Variants in KIF7 observed in about 807,000 individuals in gnomAD.
The protein encoded by KIF7 is kinesin family member 7.
KIF7 carries 104 observed loss-of-function variants against 135.7 expected under a neutral mutation model. The observed-to-expected ratio is 0.77, with a 90% CI of 0.65 to 0.90. The LOEUF (loss-of-function observed/expected upper bound fraction) is 0.90. Among genes scored for constraint, KIF7 ranks in the 40% least tolerant of loss-of-function variants. The pLI, the probability that KIF7 is intolerant of heterozygous loss-of-function variation, is 0.00. For synonymous variants in KIF7, 883 were observed against 809.4 expected (o/e 1.09, Z -1.54); for missense variants, 2,005 against 1,839.1 (o/e 1.09, Z -1.65).
chr15:89,625,413 G>A, downstream of KIF7: 1 of 1,614,020 alleles, frequency 6.2e-7, no homozygotes, highest in Non-Finnish European at 8.5e-7. Context: ...CCTCTTCCGG[G>A]AGGGGCGAGG....
At chr15:89,636,876 AT>A (rs1210460724) in intron 11 of KIF7, among the ~76,000 whole-genome samples, 3 of 149,876 alleles carry the variant, frequency 2.0e-5, no homozygotes, top group Non-Finnish European at 4.4e-5. Flanking sequence ...CAGAATATAT[AT>A]TTTTTTCAGC....
chr15:89,630,957 CTG>C, intron 15 of KIF7: 1 of 287,192 alleles, frequency 3.5e-6, no homozygotes, highest in Non-Finnish European at 6.8e-6. Flanking sequence ...CAGCATGTGA[CTG>C]TACTGAATAC....
At position 89,633,838 on chromosome 15, in the gene KIF7, A is replaced by C. The variant is rs1421629514; in HGVS notation, c.2440T>G (p.Ser814Ala). The C allele has an allele frequency of 1.2e-6, 2 of 1,613,600 alleles. No homozygotes were observed. The highest frequency in any genetic ancestry group is 1.1e-5 in the South Asian group (1 of 91,086). The change falls in exon 12 of 19, where the codon TCG becomes GCG. Residue 814 changes from serine to alanine, a missense_variant. Coordinates refer to ENST00000394412, the MANE Select transcript of KIF7 (RefSeq NM_198525.3). ...KQATERLVSL[S>A]AQSEKRLQEL... ...TGCAGTCGCTTCTCACTCTGGGCCG[A>C]CAGTGACACCAGCCGCTCCGTAGCC... is the stretch of plus-strand genomic sequence containing the variant.
rs776343307 is a variant in KIF7 at position 89,645,416 on chromosome 15, G to A, written c.1958C>T (p.Ala653Val). 9.3e-6 allele frequency: 15 copies of A among 1,613,956 alleles called. No homozygotes were observed. In the Admixed American group the frequency reaches 2.3e-4, roughly 25 times the overall value. The change falls in exon 9 of 19, where the codon GCA (alanine) becomes GTA (valine). Residue 653 changes from alanine to valine, a missense_variant. Ala to Val is a moderately conservative substitution (Grantham distance 64, BLOSUM62 0). Coordinates refer to ENST00000394412, the MANE Select transcript of KIF7 (RefSeq NM_198525.3). ...CCTCTCTGGCAGACTCCCTGGGCGTGCCCCCGCCCTCTGACTGCAGTTGCT... is the reference window on the plus strand; with the variant it reads ...CCTCTCTGGCAGACTCCCTGGGCGTACCCCCGCCCTCTGACTGCAGTTGCT... ...RISNCSQRAGARPGSLPERKG... is the reference protein window; with the variant it reads ...RISNCSQRAGVRPGSLPERKG...
upstream of KIF7, among the ~76,000 whole-genome samples, chr15:89,658,279 C>T (rs1596034659): frequency 6.6e-6 from 1 of 151,808 alleles, no homozygotes; most frequent in African/African-American, 2.4e-5. Flanking sequence ...AGCGAGACCT[C>T]ATCTCTACAA....
intron 1 of KIF7, among the ~76,000 whole-genome samples, chr15:89,620,573 T>A (rs1244795051): frequency 6.6e-6 from 1 of 152,180 alleles, no homozygotes; most frequent in Non-Finnish European, 1.5e-5. Context: ...ACATAGGAGC[T>A]GGGGTTAATA....
chr15:89,633,083 G>A (rs1224949649), intron 13 of KIF7, 58 bp downstream of exon 13: 5 of 1,600,264 alleles, frequency 3.1e-6, no homozygotes, highest in Admixed American at 1.7e-5. Context: ...GGGGAGAAAG[G>A]TGCACCCACC....
At chr15:89,633,959 G>C (rs1448668585) in intron 11 of KIF7, 76 bp from the exon 12 acceptor site, 6 of 1,539,156 alleles carry the variant, frequency 3.9e-6, no homozygotes, top group Admixed American at 3.3e-5. Flanking sequence ...CACTCAACAA[G>C]GGCAGGCAGA....
chr15:89,629,456 G>T lies in KIF7; in HGVS notation c.3436C>A (p.Arg1146Ser), dbSNP rs766975299. The T allele has an allele frequency of 2.5e-6, 4 of 1,609,562 alleles. No homozygotes were observed. The highest frequency in any genetic ancestry group is 2.2e-5 in the East Asian group (1 of 44,864). ...GTCAGCTGGCGGTCCATCTCCAGGC[G>T]CTGCCGCTCCAGGGCCACCTCCAGC... ...YWLEVALERQ[R>S]LEMDRQLTLQ... The change falls in exon 17 of 19, where the codon CGC becomes AGC. Residue 1146 changes from arginine (R) to serine (S), a missense_variant. Physicochemically the swap from Arg to Ser is moderately radical, Grantham distance 110. Coordinates refer to ENST00000394412, the MANE Select transcript of KIF7 (RefSeq NM_198525.3).
chr15:89,631,685 A>G lies in KIF7; in HGVS notation c.2921T>C (p.Val974Ala), dbSNP rs775179475. The change falls in exon 15 of 19, where the codon GTG (valine) becomes GCG (alanine). Residue 974 changes from valine to alanine, a missense_variant. By Grantham distance (64) the Val-to-Ala change is moderately conservative. Coordinates refer to ENST00000394412, the MANE Select transcript of KIF7 (RefSeq NM_198525.3). ...CTCCAGGTGCTCCAGCCGGCTGGACACTCGCACGATGTCCTCGTTGAGGGC... is the reference window on the plus strand; with the variant it reads ...CTCCAGGTGCTCCAGCCGGCTGGACGCTCGCACGATGTCCTCGTTGAGGGC... ...SQALNEDIVR[V>A]SSRLEHLEKE... 1.9e-6 allele frequency: 3 copies of G among 1,556,148 alleles called. No individual in the cohort carries two copies. Among genetic ancestry groups the G allele is most frequent in the East Asian group, 2.4e-5 (1 of 41,274 alleles).
At chr15:89,660,797 G>A in the KIF7 span, among the ~76,000 whole-genome samples, 5 of 152,210 alleles carry the variant, frequency 3.3e-5, no homozygotes, top group South Asian at 2.1e-4. Flanking sequence ...TTGGCCAATG[G>A]AATGTAAGTA....
At chr15:89,652,466 C>A in intron 2 of KIF7, 137 bp downstream of exon 2, 1 of 723,666 alleles carries the variant, frequency 1.4e-6, no homozygotes, top group Admixed American at 2.9e-5. Flanking sequence ...GCCACAGATC[C>A]CTGTCTAGGA....
At chr15:89,643,687 C>A (rs1033180798) in intron 10 of KIF7, among the ~76,000 whole-genome samples, 1 of 152,158 alleles carries the variant, frequency 6.6e-6, no homozygotes, top group Admixed American at 6.5e-5. Context: ...GAGATCGAGA[C>A]CATCCTGGCC....
chr15:89,623,565 A>G, downstream of KIF7: 6 of 1,507,562 alleles, frequency 4.0e-6, no homozygotes, highest in Non-Finnish European at 5.3e-6. Context: ...TTACTAAAAC[A>G]CTTCAGAGAT....
chr15:89,626,955 G>GAT, downstream of KIF7: 1 of 1,613,802 alleles, frequency 6.2e-7, no homozygotes, highest in Non-Finnish European at 8.5e-7. Context: ...CCTTCTTCTA[G>GAT]ATGAGGATGT....
chr15:89,618,107 AT>A, exon 2 of KIF7: 1 of 1,581,044 alleles, frequency 6.3e-7, no homozygotes. Flanking sequence ...ATAAGTGTTA[AT>A]TACAAGTGGT....
In KIF7 at chr15:89,645,817, C is replaced by T. The variant is rs977420206; in HGVS notation, c.1922+76G>A. 2.1e-5 allele frequency: 32 copies of T among 1,546,716 alleles called. No individual in the cohort carries two copies. The Middle Eastern group carries it at 1.1e-3, about 51-fold the overall frequency. On this transcript the variant is annotated intron_variant, in intron 8 of 18. Coordinates refer to ENST00000394412, the MANE Select transcript of KIF7 (RefSeq NM_198525.3). ...TCCCCACTGCTGTCAGGAGAGGAGA[C>T]GGTGCGATCCCCAGCCTGCCTAGCC...
intron 1 of KIF7, among the ~76,000 whole-genome samples, chr15:89,621,218 G>A (rs986470091): frequency 1.3e-5 from 2 of 150,514 alleles, no homozygotes; most frequent in African/African-American, 2.5e-5. Flanking sequence ...ATGGTGTTTC[G>A]CTATGTTGGC....
chr15:89,650,079 G>A (rs2142032616), intron 2 of KIF7, 138 bp from the exon 3 acceptor site: 1 of 866,134 alleles, frequency 1.2e-6, no homozygotes, highest in Non-Finnish European at 1.8e-6. Flanking sequence ...AGGCCAGGAT[G>A]GGACAGGTGG....
Sources: allele counts gnomAD v4.1 joint callset (sites outside exome capture counted in the v4.1 genomes callset), GRCh38; gene constraint gnomAD v4.1.1; transcripts MANE v1.5; gene names NCBI Gene and HGNC (gene_info 2026-07-23, HGNC 2026-07-21).